RNF111: variants seen among roughly 807,000 people sequenced by gnomAD.
RNF111 encodes ring finger protein 111.
RNF111 carries 17 observed loss-of-function variants against 95.1 expected under a neutral mutation model. The observed-to-expected ratio is 0.18, with a 90% CI of 0.12 to 0.27. The LOEUF (loss-of-function observed/expected upper bound fraction) is 0.27, where lower values mean the gene tolerates loss of function less well. RNF111 is among the 10% of genes least tolerant of loss of function. The pLI, the probability that RNF111 is intolerant of heterozygous loss-of-function variation, is 1.00. For missense variants in RNF111, 1,189 were observed against 1,210.4 expected (o/e 0.98, Z 0.26); for synonymous variants, 440 against 414.8 (o/e 1.06, Z -0.74).
intron 2 of RNF111, among the ~76,000 whole-genome samples, chr15:59,040,197 A>G (rs1168301335): frequency 6.6e-6 from 1 of 150,920 alleles, no homozygotes; most frequent in African/African-American, 2.4e-5. Context: ...CTCTTTGCAG[A>G]CTTGACCTCC....
At chr15:59,028,853 C>G (rs1321498874) in intron 1 of RNF111, among the ~76,000 whole-genome samples, 1 of 151,330 alleles carries the variant, frequency 6.6e-6, no homozygotes, top group East Asian at 1.9e-4. Context: ...AGTCCCAGCT[C>G]ACTGTAACCT....
chr15:59,027,559 T>C (rs1352099961), intron 1 of RNF111, among the ~76,000 whole-genome samples: 1 of 151,926 alleles, frequency 6.6e-6, no homozygotes, highest in East Asian at 1.9e-4. Flanking sequence ...GACAGAGTCT[T>C]GCTCTGTTGC....
At position 59,010,249 on chromosome 15, in the gene RNF111, A is replaced by AT. The variant is rs2039734734; in HGVS notation, c.-19-20553dup. Among the ~76,000 whole-genome samples, 3 of 152,322 alleles carry AT rather than the reference A, an allele frequency of 2.0e-5. No individual in the cohort carries two copies. In the South Asian group the frequency reaches 6.2e-4, roughly 32 times the overall value. On this transcript the variant is annotated intron_variant, in intron 1 of 13. Coordinates refer to ENST00000348370, the MANE Select transcript of RNF111 (RefSeq NM_017610.8). ...ATTTAAGAAAAATATTTATTTTGAAATTAATAAACCCATGACATGTAAATA... is the reference window on the plus strand; with the variant it reads ...ATTTAAGAAAAATATTTATTTTGAAATTTAATAAACCCATGACATGTAAATA...
At chr15:59,039,896 T>C (rs2041365091) in intron 2 of RNF111, among the ~76,000 whole-genome samples, 1 of 152,014 alleles carries the variant, frequency 6.6e-6, no homozygotes, top group Non-Finnish European at 1.5e-5. Flanking sequence ...TTTTGTGTTT[T>C]AGTAGAGACG....
chr15:59,070,741 G>A (rs1400529386), intron 6 of RNF111, among the ~76,000 whole-genome samples: 1 of 152,010 alleles, frequency 6.6e-6, no homozygotes, highest in African/African-American at 2.4e-5. Context: ...AGCACCCAGA[G>A]TTCCTTTTGT....
At chr15:59,090,701 T>G (rs1298952517) in intron 11 of RNF111, among the ~76,000 whole-genome samples, 1 of 152,176 alleles carries the variant, frequency 6.6e-6, no homozygotes, top group African/African-American at 2.4e-5. Context: ...AAAGATAACT[T>G]TTGCTGTACC....
chr15:59,017,783 G>GTTTTT (rs2040140446), intron 1 of RNF111, among the ~76,000 whole-genome samples: 1 of 126,336 alleles, frequency 7.9e-6, no homozygotes, highest in Non-Finnish European at 1.6e-5. Context: ...TTGAGATGGA[G>GTTTTT]TTTCGCTCTT....
In RNF111 at chr15:59,031,355, G is replaced by A. The variant is rs140030885; in HGVS notation, c.533G>A (p.Ser178Asn). 1.9e-5 allele frequency: 30 copies of A among 1,614,074 alleles called. 1 individual carries two copies. Among genetic ancestry groups the A allele is most frequent in the Non-Finnish European group, 2.5e-5 (30 of 1,180,042 alleles). ...TILNAKSRSH[S>N]ARSHKWPRTE... Reference sequence around the variant, plus strand: ...TTGAATGCTAAAAGTAGAAGCCATAGTGCACGGTCTCATAAGTGGCCTCGG... The same window carrying A: ...TTGAATGCTAAAAGTAGAAGCCATAATGCACGGTCTCATAAGTGGCCTCGG... Residue 178 changes from serine (S) to asparagine (N), a missense_variant, in exon 2 of 14, where the codon AGT (serine) becomes AAT (asparagine). Physicochemically the swap from Ser to Asn is conservative, Grantham distance 46 (BLOSUM62 1). Transcript: ENST00000348370.
At chr15:59,019,646 C>T (rs555116519) in intron 1 of RNF111, among the ~76,000 whole-genome samples, 2 of 152,172 alleles carry the variant, frequency 1.3e-5, no homozygotes, top group South Asian at 4.1e-4. Context: ...TACTTTTAAA[C>T]ATGTTATTAT....
At chr15:59,029,044 T>C (rs2141738863) in intron 1 of RNF111, among the ~76,000 whole-genome samples, 1 of 152,292 alleles carries the variant, frequency 6.6e-6, no homozygotes, top group South Asian at 2.1e-4. Flanking sequence ...CCTCCCAAAG[T>C]GGTGGGATTA....
intron 7 of RNF111, among the ~76,000 whole-genome samples, chr15:59,078,106 G>A (rs989073652): frequency 1.3e-5 from 2 of 152,168 alleles, no homozygotes; most frequent in Non-Finnish European, 2.9e-5. Context: ...TTAGCTTGGT[G>A]ACTTTGGATA....
intron 1 of RNF111, among the ~76,000 whole-genome samples, chr15:59,029,689 A>G (rs1259219182): frequency 6.6e-6 from 1 of 152,194 alleles, no homozygotes; most frequent in Non-Finnish European, 1.5e-5. Context: ...AATGTATTTT[A>G]TGGGCAAAAC....
At position 59,055,715 on chromosome 15, in the gene RNF111, T is replaced by C. The variant is rs138658453; in HGVS notation, c.1041T>C (p.His347=). Residue 347 remains histidine, a synonymous_variant, in exon 4 of 14, where the codon CAT becomes CAC. Coordinates refer to ENST00000348370, the MANE Select transcript of RNF111 (RefSeq NM_017610.8). ...SRSTLGHSRS[H]WSQGSSSHAS... is the part of the protein sequence containing the mutation. The stretch of plus-strand genomic sequence containing the variant: ...CAACCCTTGGACACTCCAGATCTCA[T>C]TGGAGCCAGGGTTCCAGTTCTCATG... 1,311 of 1,613,948 alleles carry C rather than the reference T, an allele frequency of 8.1e-4. 6 individuals are homozygous for C. In the African/African-American group the frequency reaches 0.016, roughly 19 times the overall value.
intron 1 of RNF111, among the ~76,000 whole-genome samples, chr15:59,020,618 A>G (rs1309831703): frequency 1.3e-5 from 2 of 152,230 alleles, no homozygotes; most frequent in African/African-American, 2.4e-5. Context: ...ACTAATATTT[A>G]AGGATTTCAG....
intron 7 of RNF111, among the ~76,000 whole-genome samples, chr15:59,078,866 GAAA>G (rs58594305): frequency 4.8e-5 from 5 of 103,926 alleles, no homozygotes; most frequent in East Asian, 5.0e-4. Flanking sequence ...CTCAAAAGAA[GAAA>G]AAAAAAAAAA....
At chr15:59,007,722 A>G (rs147659443) in intron 1 of RNF111, among the ~76,000 whole-genome samples, 212 of 152,264 alleles carry the variant, frequency 1.4e-3, no homozygotes, top group African/African-American at 4.5e-3. Context: ...GTAATGGTAT[A>G]TTACTATAGT....
At chr15:59,042,419 G>C (rs980184528) in intron 2 of RNF111, among the ~76,000 whole-genome samples, 6 of 152,008 alleles carry the variant, frequency 3.9e-5, no homozygotes, top group Non-Finnish European at 8.8e-5. Flanking sequence ...AGCCACTATG[G>C]CTGTCCAACA....
chr15:58,990,574 T>C (rs2038768738), intron 1 of RNF111, among the ~76,000 whole-genome samples: 1 of 152,166 alleles, frequency 6.6e-6, no homozygotes, highest in East Asian at 1.9e-4. Context: ...GGCTTGAACC[T>C]CGGAGGCGGA....
intron 1 of RNF111, among the ~76,000 whole-genome samples, chr15:59,023,275 C>T (rs1202802019): frequency 6.6e-6 from 1 of 152,010 alleles, no homozygotes; most frequent in East Asian, 1.9e-4. Flanking sequence ...GAGGAAGTAG[C>T]ATGCTGGTTT....
Sources: allele counts gnomAD v4.1 joint callset (sites outside exome capture counted in the v4.1 genomes callset), GRCh38; gene constraint gnomAD v4.1.1; transcripts MANE v1.5; gene names NCBI Gene and HGNC (gene_info 2026-07-23, HGNC 2026-07-21).